The following DNAJC30 variants were observed in gnomAD, a reference collection of about 807,000 sequenced individuals.
DNAJC30 encodes DnaJ heat shock protein family (Hsp40) member C30.
DNAJC30 carries 16 observed loss-of-function variants against 15.4 expected under a neutral mutation model. That is an observed-to-expected ratio of 1.04 (90% CI 0.70 to 1.58). The LOEUF (loss-of-function observed/expected upper bound fraction) is 1.58, where lower values mean the gene tolerates loss of function less well. DNAJC30 is among the 40% of genes most tolerant of loss of function. The pLI is 0.00. For missense variants in DNAJC30, 352 were observed against 320.9 expected, an observed-to-expected ratio of 1.10 and a Z score of -0.74; for synonymous variants, 161 against 140.2, an observed-to-expected ratio of 1.15 and a Z score of -1.05.
At position 73,682,648 on chromosome 7, in the gene DNAJC30, A is replaced by C. The variant is rs1554611458; in HGVS notation, c.*95T>G. 2.8e-6 allele frequency: 4 copies of C among 1,450,132 alleles called. No homozygotes were observed. Among genetic ancestry groups the C allele is most frequent in the Admixed American group, 2.4e-5 (1 of 41,934 alleles). The allele number at this position is 1,450,132 out of a possible 1,614,324, so 89.8% of individuals were successfully genotyped here. On this transcript the variant is annotated 3_prime_UTR_variant, in exon 1 of 1. Transcript: ENST00000395176. ...AGTACAGTTCCTTCGGATCCCAGCA[A>C]AGGTAGACTATCAATGGCCAAGGGT...
Position 73,683,440 on chromosome 7 carries a change from A to G in DNAJC30, c.-17T>C, listed in dbSNP as rs1797788413. The G allele has an allele frequency of 1.2e-6, 2 of 1,604,714 alleles. No individual in the cohort carries two copies. The highest frequency in any genetic ancestry group is 2.7e-5 in the African/African-American group (2 of 74,238). ...GGCTGCCATGTTGAATTGATTCGGC[A>G]GGCGGTGCAAGAGAAACCGGCCAAT... On this transcript the variant is annotated 5_prime_UTR_variant, in exon 1 of 1. Transcript: ENST00000395176.
In DNAJC30 at chr7:73,682,820, G is replaced by C. The variant is rs781905855; in HGVS notation, c.604C>G (p.Arg202Gly). ...GCCGTGTCTCGGGTATCCTCCCAGC[G>C]GAGGCCTTTCATGGACCGATACTCC... ...RQEYRSMKGL[R>G]WEDTRDTAAI... The change falls in exon 1 of 1, where the codon CGC becomes GGC. Residue 202 changes from arginine (R) to glycine (G), a missense_variant. Physicochemically the swap from Arg to Gly is moderately radical, Grantham distance 125 (BLOSUM62 -2). Transcript: ENST00000395176. The C allele has an allele frequency of 1.2e-6, 2 of 1,614,152 alleles. No individual in the cohort carries two copies. The highest frequency in any genetic ancestry group is 1.3e-5 in the African/African-American group (1 of 75,072).
Position 73,683,371 on chromosome 7 carries a change from A to G in DNAJC30, c.53T>C (p.Leu18Pro), listed in dbSNP as rs533049844. 63 of 1,613,170 alleles carry G rather than the reference A, an allele frequency of 3.9e-5. No individual in the cohort carries two copies. The Admixed American group carries it at 1.0e-3, about 26-fold the overall frequency. ...WWQRLLPWRL[L>P]QARGFPQNSA... is the part of the protein sequence containing the mutation. The stretch of plus-strand genomic sequence containing the variant: ...ATTTTGTGGAAAGCCACGGGCCTGC[A>G]GCAACCTCCAAGGTAACAGCCGCTG... The change falls in exon 1 of 1, where the codon CTG becomes CCG. Residue 18 changes from leucine to proline, a missense_variant. Physicochemically the swap from Leu to Pro is moderately conservative, Grantham distance 98. Transcript: ENST00000395176.
rs1319336349 is a variant in DNAJC30 at position 73,681,956 on chromosome 7, AAAAAC to A, written c.*782_*786del. The A allele has an allele frequency of 1.3e-5, 2 of 154,676 alleles. No homozygotes were observed. The highest frequency in any genetic ancestry group is 6.5e-5 in the Admixed American group (1 of 15,328). 9.6% of individuals were successfully genotyped at this position (154,676 alleles called of 1,614,324 possible). A position where few individuals can be genotyped will look rare whatever the true frequency, so the allele number is the denominator to read the frequency against. Reference sequence around the variant, plus strand: ...GCAACAGAGCGCAAGACTCCATCTCAAAAACAAAACAAAACAAAAAACCCCCCAAA... The same window carrying A: ...GCAACAGAGCGCAAGACTCCATCTCAAAAACAAAACAAAAAACCCCCCAAA... On this transcript the variant is annotated 3_prime_UTR_variant, in exon 1 of 1. Coordinates refer to ENST00000395176, the MANE Select transcript of DNAJC30 (RefSeq NM_032317.3).
Position 73,681,371 on chromosome 7 carries a change from ACTCCCCGTCC to A in DNAJC30, c.*1362_*1371del, listed in dbSNP as rs1797702623. 1 of 151,958 alleles carries A rather than the reference ACTCCCCGTCC, an allele frequency of 6.6e-6. No homozygotes were observed. The highest frequency in any genetic ancestry group is 6.6e-5 in the Admixed American group (1 of 15,212). 9.4% of individuals were successfully genotyped at this position (151,958 alleles called of 1,614,324 possible). The stretch of plus-strand genomic sequence containing the variant: ...CTCCACCATGAACACCAAGCCACCA[ACTCCCCGTCC>A]CTCAGTAGTCCTGTGTACTCCCAAA... On this transcript the variant is annotated 3_prime_UTR_variant, in exon 1 of 1. Transcript: ENST00000395176.
Position 73,683,209 on chromosome 7 carries a change from T to C in DNAJC30, c.215A>G (p.Gln72Arg). The change falls in exon 1 of 1, where the codon CAG becomes CGG. Residue 72 changes from glutamine to arginine, a missense_variant. Transcript: ENST00000395176. Reference protein sequence around the residue: ...QAQIKAAYYRQCFLYHPDRNS... With the variant: ...QAQIKAAYYRRCFLYHPDRNS... ...GCGGTCCGGGTGGTAGAGAAAGCAC[T>C]GACGGTAGTAAGCCGCCTTGATTTG... 1.2e-6 allele frequency: 2 copies of C among 1,614,224 alleles called. No individual in the cohort carries two copies. Among genetic ancestry groups the C allele is most frequent in the Middle Eastern group, 1.6e-4 (1 of 6,062 alleles).
At position 73,683,437 on chromosome 7, in the gene DNAJC30, G is replaced by A. The variant is rs1797788310; in HGVS notation, c.-14C>T. The A allele has an allele frequency of 6.2e-7, 1 of 1,608,774 alleles. No homozygotes were observed. The highest frequency in any genetic ancestry group is 1.7e-5 in the Admixed American group (1 of 59,874). On this transcript the variant is annotated 5_prime_UTR_variant, in exon 1 of 1. Coordinates refer to ENST00000395176, the MANE Select transcript of DNAJC30 (RefSeq NM_032317.3). ...CATGGCTGCCATGTTGAATTGATTC[G>A]GCAGGCGGTGCAAGAGAAACCGGCC... is the stretch of plus-strand genomic sequence containing the variant.
chr7:73,682,620 G>T lies in DNAJC30; in HGVS notation c.*123C>A, dbSNP rs1185609929. On this transcript the variant is annotated 3_prime_UTR_variant, in exon 1 of 1. Coordinates refer to ENST00000395176, the MANE Select transcript of DNAJC30 (RefSeq NM_032317.3). ...AGCTGGGCGGGTCGGGGAGGGCAGG[G>T]GGAGTACAGTTCCTTCGGATCCCAG... is the stretch of plus-strand genomic sequence containing the variant. 2.0e-5 allele frequency: 24 copies of T among 1,230,058 alleles called. No individual in the cohort carries two copies. The highest frequency in any genetic ancestry group is 2.6e-5 in the Non-Finnish European group (24 of 907,710). 76.2% of individuals were successfully genotyped at this position (1,230,058 alleles called of 1,614,324 possible). A position where few individuals can be genotyped will look rare whatever the true frequency, so the allele number is the denominator to read the frequency against.
At position 73,682,560 on chromosome 7, in the gene DNAJC30, G is replaced by T; in HGVS notation, c.*183C>A. The T allele has an allele frequency of 1.5e-6, 1 of 661,722 alleles. No individual in the cohort carries two copies. The highest frequency in any genetic ancestry group is 2.4e-6 in the Non-Finnish European group (1 of 417,262). The allele number at this position is 661,722 out of a possible 1,614,324, so 41.0% of individuals were successfully genotyped here. ...CAGACATCGAAAGGCCTCCTTTTCTGGACCACAGTGGAGCGATGTGCAGGT... is the reference window on the plus strand; with the variant it reads ...CAGACATCGAAAGGCCTCCTTTTCTTGACCACAGTGGAGCGATGTGCAGGT... On this transcript the variant is annotated 3_prime_UTR_variant, in exon 1 of 1. Transcript: ENST00000395176.
rs1481516210 is a variant in DNAJC30 at position 73,681,511 on chromosome 7, G to A, written c.*1232C>T. ...CAGAAACAGGGGACTTAAGTGCAGA[G>A]TTTGTCACTCTATTTCTGGGAGGGG... is the stretch of plus-strand genomic sequence containing the variant. On this transcript the variant is annotated 3_prime_UTR_variant, in exon 1 of 1. Coordinates refer to ENST00000395176, the MANE Select transcript of DNAJC30 (RefSeq NM_032317.3). 3.9e-5 allele frequency: 6 copies of A among 152,240 alleles called. No individual in the cohort carries two copies. Among genetic ancestry groups the A allele is most frequent in the African/African-American group, 1.4e-4 (6 of 41,448 alleles). 9.4% of individuals were successfully genotyped at this position (152,240 alleles called of 1,614,324 possible).
In DNAJC30 at chr7:73,682,776, A is replaced by G; in HGVS notation, c.648T>C (p.Phe216=). The G allele has an allele frequency of 6.2e-7, 1 of 1,610,594 alleles. No individual in the cohort carries two copies. Among genetic ancestry groups the G allele is most frequent in the East Asian group, 2.2e-5 (1 of 44,762 alleles). Residue 216 remains phenylalanine, a synonymous_variant, in exon 1 of 1, where the codon TTT becomes TTC. Coordinates refer to ENST00000395176, the MANE Select transcript of DNAJC30 (RefSeq NM_032317.3). ...AAAAGCCGATGATGATGAAGATTGA[A>G]AAGATGAGGAAAATGGCAGCCGTGT... ...TRDTAAIFLI[F]SIFIIIGFYI
chr7:73,683,141 A>G lies in DNAJC30; in HGVS notation c.283T>C (p.Ser95Pro). 1 of 1,614,092 alleles carries G rather than the reference A, an allele frequency of 6.2e-7. No individual in the cohort carries two copies. Among genetic ancestry groups the G allele is most frequent in the Non-Finnish European group, 8.5e-7 (1 of 1,180,012 alleles). Residue 95 changes from serine (S) to proline (P), a missense_variant, in exon 1 of 1, where the codon TCC (serine) becomes CCC (proline). Coordinates refer to ENST00000395176, the MANE Select transcript of DNAJC30 (RefSeq NM_032317.3). ...AEAAERFTRI[S>P]QAYVVLGSAT... Reference sequence around the variant, plus strand: ...CTGCCCAGCACCACGTAGGCCTGGGAGATGCGCGTGAAGCGCTCGGCGGCC... The same window carrying G: ...CTGCCCAGCACCACGTAGGCCTGGGGGATGCGCGTGAAGCGCTCGGCGGCC...
Position 73,682,613 on chromosome 7 carries a change from G to T in DNAJC30, c.*130C>A. On this transcript the variant is annotated 3_prime_UTR_variant, in exon 1 of 1. Transcript: ENST00000395176. The stretch of plus-strand genomic sequence containing the variant: ...TCGGCTAAGCTGGGCGGGTCGGGGA[G>T]GGCAGGGGGAGTACAGTTCCTTCGG... 1 of 1,167,410 alleles carries T rather than the reference G, an allele frequency of 8.6e-7. No individual in the cohort carries two copies. Among genetic ancestry groups the T allele is most frequent in the Non-Finnish European group, 1.2e-6 (1 of 855,002 alleles). 72.3% of individuals were successfully genotyped at this position (1,167,410 alleles called of 1,614,324 possible). A position where few individuals can be genotyped will look rare whatever the true frequency, so the allele number is the denominator to read the frequency against.
rs782361540 is a variant in DNAJC30 at position 73,683,096 on chromosome 7, A to T, written c.328T>A (p.Tyr110Asn). 4 of 1,610,224 alleles carry T rather than the reference A, an allele frequency of 2.5e-6. No individual in the cohort carries two copies. Among genetic ancestry groups the T allele is most frequent in the Non-Finnish European group, 2.5e-6 (3 of 1,177,206 alleles). The part of the protein sequence containing the change: ...VLGSATLRRK[Y>N]DRGLLSDEDL... ...TCGTCGCTGAGTAGGCCGCGATCATACTTGCGACGGAGGGTGGCACTGCCC... is the reference window on the plus strand; with the variant it reads ...TCGTCGCTGAGTAGGCCGCGATCATTCTTGCGACGGAGGGTGGCACTGCCC... The change falls in exon 1 of 1, where the codon TAT becomes AAT. Residue 110 changes from tyrosine to asparagine, a missense_variant. Transcript: ENST00000395176.
chr7:73,683,009 G>A lies in DNAJC30; in HGVS notation c.415C>T (p.Arg139Cys). 1.3e-6 allele frequency: 2 copies of A among 1,589,782 alleles called. No individual in the cohort carries two copies. The highest frequency in any genetic ancestry group is 1.7e-6 in the Non-Finnish European group (2 of 1,165,888). Residue 139 changes from arginine to cysteine, a missense_variant, in exon 1 of 1, where the codon CGT (arginine) becomes TGT (cysteine). Transcript: ENST00000395176. ...GTCCGAGAGGTGGGCGGCGGGGTACGCGGCGAGCCGGGGTCGGGTGCGGGC... is the reference window on the plus strand; with the variant it reads ...GTCCGAGAGGTGGGCGGCGGGGTACACGGCGAGCCGGGGTCGGGTGCGGGC... ...RTPAPDPGSP[R>C]TPPPTSRTHD...
In DNAJC30 at chr7:73,682,468, C is replaced by T; in HGVS notation, c.*275G>A. The T allele has an allele frequency of 2.8e-6, 1 of 355,864 alleles. No homozygotes were observed. Among genetic ancestry groups the T allele is most frequent in the South Asian group, 7.0e-5 (1 of 14,370 alleles). The allele number at this position is 355,864 out of a possible 1,614,324, so 22.0% of individuals were successfully genotyped here. ...AGAAGACAGACTCTGGAAGAAGCAC[C>T]CTAGAGACTCCAGGAACCCCCTTCA... On this transcript the variant is annotated 3_prime_UTR_variant, in exon 1 of 1. Transcript: ENST00000395176.
In DNAJC30 at chr7:73,682,846, T is replaced by A. The variant is rs569400604; in HGVS notation, c.578A>T (p.Gln193Leu). The A allele has an allele frequency of 6.2e-7, 1 of 1,614,120 alleles. No individual in the cohort carries two copies. The highest frequency in any genetic ancestry group is 1.7e-5 in the Admixed American group (1 of 60,036). The change falls in exon 1 of 1, where the codon CAG becomes CTG. Residue 193 changes from glutamine to leucine, a missense_variant. By Grantham distance (113) the Gln-to-Leu change is moderately radical. Coordinates refer to ENST00000395176, the MANE Select transcript of DNAJC30 (RefSeq NM_032317.3). ...RARREALRKRQEYRSMKGLRW... is the reference protein window; with the variant it reads ...RARREALRKRLEYRSMKGLRW... ...GAGGCCTTTCATGGACCGATACTCC[T>A]GCCGTTTGCGAAGGGCCTCCCGCCG...
rs782794689 is a variant in DNAJC30 at position 73,682,616 on chromosome 7, C to A, written c.*127G>T. 35 of 1,185,922 alleles carry A rather than the reference C, an allele frequency of 3.0e-5. No homozygotes were observed. The highest frequency in any genetic ancestry group is 4.0e-5 in the Non-Finnish European group (35 of 871,688). 73.5% of individuals were successfully genotyped at this position (1,185,922 alleles called of 1,614,324 possible). ...GCTAAGCTGGGCGGGTCGGGGAGGGCAGGGGGAGTACAGTTCCTTCGGATC... is the reference window on the plus strand; with the variant it reads ...GCTAAGCTGGGCGGGTCGGGGAGGGAAGGGGGAGTACAGTTCCTTCGGATC... On this transcript the variant is annotated 3_prime_UTR_variant, in exon 1 of 1. Coordinates refer to ENST00000395176, the MANE Select transcript of DNAJC30 (RefSeq NM_032317.3).
chr7:73,682,620 G>C lies in DNAJC30; in HGVS notation c.*123C>G. 1.6e-6 allele frequency: 2 copies of C among 1,230,176 alleles called. No individual in the cohort carries two copies. Among genetic ancestry groups the C allele is most frequent in the Non-Finnish European group, 2.2e-6 (2 of 907,702 alleles). The allele number at this position is 1,230,176 out of a possible 1,614,324, so 76.2% of individuals were successfully genotyped here. On this transcript the variant is annotated 3_prime_UTR_variant, in exon 1 of 1. Coordinates refer to ENST00000395176, the MANE Select transcript of DNAJC30 (RefSeq NM_032317.3). ...AGCTGGGCGGGTCGGGGAGGGCAGG[G>C]GGAGTACAGTTCCTTCGGATCCCAG...
Sources: allele counts gnomAD v4.1 joint callset, GRCh38; gene constraint gnomAD v4.1.1; transcripts MANE v1.5; gene names NCBI Gene and HGNC (gene_info 2026-07-23, HGNC 2026-07-21).